The following FAT4 variants were observed in gnomAD, a reference collection of about 807,000 sequenced individuals.
FAT4 encodes FAT atypical cadherin 4.
FAT4 carries 84 observed loss-of-function variants against 303.9 expected under a neutral mutation model. The observed-to-expected ratio is 0.28, with a 90% CI of 0.23 to 0.33. The LOEUF is 0.33. FAT4 is among the 10% of genes least tolerant of loss of function. The pLI is 1.00. For synonymous variants in FAT4, 2,307 were observed against 2,298.8 expected (o/e 1.00, Z -0.10); for missense variants, 6,005 against 6,146.8 (o/e 0.98, Z 0.77).
intron 2 of FAT4, among the ~76,000 whole-genome samples, chr4:125,325,672 G>A (rs1489452863): frequency 6.6e-6 from 1 of 152,168 alleles, no homozygotes; most frequent in African/African-American, 2.4e-5. Context: ...ATATTGAAAA[G>A]ACATCAAAGT....
rs1351806353 is a variant in FAT4 at position 125,408,730 on chromosome 4, T to C, written c.5856T>C (p.Ser1952=). 1 of 1,609,648 alleles carries C rather than the reference T, an allele frequency of 6.2e-7. No individual in the cohort carries two copies. The highest frequency in any genetic ancestry group is 1.3e-5 in the African/African-American group (1 of 74,814). Reference sequence around the variant, plus strand: ...TCAGCTTGAATTCATACAGCACATCTTTAATGGAGAATCTACCTGTGGGAT... The same window carrying C: ...TCAGCTTGAATTCATACAGCACATCCTTAATGGAGAATCTACCTGTGGGAT... The part of the protein sequence containing the change: ...PIFSLNSYST[S]LMENLPVGST... Residue 1952 remains serine, a synonymous_variant, in exon 5 of 18, where the codon TCT becomes TCC. Coordinates refer to ENST00000394329, the MANE Select transcript of FAT4 (RefSeq NM_001291303.3).
chr4:125,460,197 T>A (rs1045695681), intron 10 of FAT4, among the ~76,000 whole-genome samples: 1 of 152,074 alleles, frequency 6.6e-6, no homozygotes, highest in African/African-American at 2.4e-5. Flanking sequence ...ATAATTTACA[T>A]ACTCTACCAC....
At chr4:125,431,248 A>G (rs1029129389) in intron 7 of FAT4, among the ~76,000 whole-genome samples, 2 of 152,236 alleles carry the variant, frequency 1.3e-5, no homozygotes, top group African/African-American at 4.8e-5. Flanking sequence ...CAATGTGTAT[A>G]TCAGAAATAT....
Position 125,448,848 on chromosome 4 carries a change from C to A in FAT4, c.7838C>A (p.Thr2613Asn). 1 of 1,608,378 alleles carries A rather than the reference C, an allele frequency of 6.2e-7. No homozygotes were observed. The highest frequency in any genetic ancestry group is 8.5e-7 in the Non-Finnish European group (1 of 1,179,378). ...YYIASGNLGN[T>N]FQIDQLTGQV... is the part of the protein sequence containing the mutation. The stretch of plus-strand genomic sequence containing the variant: ...ATCGCAAGTGGGAATCTTGGCAATA[C>A]TTTCCAGATTGATCAGTTAACAGGG... Residue 2613 changes from threonine to asparagine, a missense_variant, in exon 10 of 18, where the codon ACT becomes AAT. Thr to Asn is a moderately conservative substitution (Grantham distance 65, BLOSUM62 0). Coordinates refer to ENST00000394329, the MANE Select transcript of FAT4 (RefSeq NM_001291303.3).
At chr4:125,356,545 TTTTG>T (rs1732431322) in intron 2 of FAT4, among the ~76,000 whole-genome samples, 2 of 106,894 alleles carry the variant, frequency 1.9e-5, no homozygotes, top group African/African-American at 3.3e-5. Flanking sequence ...GTGTTTTGTT[TTTTG>T]TTTTTTTTTT....
chr4:125,315,805 G>T lies in FAT4; in HGVS notation c.-185G>T, dbSNP rs1225779730. ...CTGGGCCTCAGCGGCCACTGCCGGC[G>T]CCCTGTTGGAGGGGCGTTGCAGCCT... On this transcript the variant is annotated 5_prime_UTR_variant, in exon 1 of 18. Coordinates refer to ENST00000394329, the MANE Select transcript of FAT4 (RefSeq NM_001291303.3). Among the ~76,000 whole-genome samples the T allele has an allele frequency of 6.6e-6, 1 of 152,210 alleles. No individual in the cohort carries two copies. Among genetic ancestry groups the T allele is most frequent in the Non-Finnish European group, 1.5e-5 (1 of 68,046 alleles).
chr4:125,329,049 T>C (rs768020389), intron 2 of FAT4, among the ~76,000 whole-genome samples: 1 of 152,224 alleles, frequency 6.6e-6, no homozygotes, highest in Non-Finnish European at 1.5e-5. Context: ...TCAATCTTTG[T>C]TTAGGTCCCT....
chr4:125,465,671 A>G lies in FAT4; in HGVS notation c.11905+2004A>G, dbSNP rs17009732. On this transcript the variant is annotated intron_variant, in intron 11 of 17. Coordinates refer to ENST00000394329, the MANE Select transcript of FAT4 (RefSeq NM_001291303.3). ...GAGGGGCCAAATGTACCTTCTTGTC[A>G]CTCTGTAGACATCGCCAGGGGAAGA... Among the ~76,000 whole-genome samples the G allele has an allele frequency of 4.4e-3, 670 of 152,228 alleles. 4 individuals carry two copies. The highest frequency in any genetic ancestry group is 0.026 in the East Asian group (134 of 5,168).
chr4:125,449,295 T>G lies in FAT4; in HGVS notation c.8285T>G (p.Met2762Arg), dbSNP rs747415247. ...SPSQSTSVKV[M>R]INILDENDNA... ...TCTCAGAGTACTTCAGTAAAAGTCA[T>G]GATTAACATTTTAGATGAAAATGAT... Residue 2762 changes from methionine (M) to arginine (R), a missense_variant, in exon 10 of 18, where the codon ATG becomes AGG. By Grantham distance (91) the Met-to-Arg change is moderately conservative. Coordinates refer to ENST00000394329, the MANE Select transcript of FAT4 (RefSeq NM_001291303.3). 9.9e-6 allele frequency: 16 copies of G among 1,613,862 alleles called. 1 individual carries two copies. The highest frequency in any genetic ancestry group is 1.4e-5 in the Non-Finnish European group (16 of 1,179,932).
intron 7 of FAT4, among the ~76,000 whole-genome samples, chr4:125,427,922 T>C (rs951828859): frequency 6.6e-6 from 1 of 152,218 alleles, no homozygotes; most frequent in African/African-American, 2.4e-5. Flanking sequence ...ACTTCAATCG[T>C]TTAAACTCAT....
At position 125,319,381 on chromosome 4, in the gene FAT4, T is replaced by C. The variant is rs531356206; in HGVS notation, c.2970T>C (p.Asn990=). 9 of 1,613,050 alleles carry C rather than the reference T, an allele frequency of 5.6e-6. No homozygotes were observed. The African/African-American group carries it at 1.1e-4, about 19-fold the overall frequency. Residue 990 remains asparagine, a synonymous_variant, in exon 2 of 18, where the codon AAT becomes AAC. Coordinates refer to ENST00000394329, the MANE Select transcript of FAT4 (RefSeq NM_001291303.3). The stretch of plus-strand genomic sequence containing the variant: ...TAACAGTTTATGTCCATGATGTAAA[T>C]GACAATTCACCAGTGTTTGACCAAC... ...VILTVYVHDV[N]DNSPVFDQLS... is the part of the protein sequence containing the mutation.
intron 11 of FAT4, among the ~76,000 whole-genome samples, chr4:125,464,545 G>A (rs1422390841): frequency 6.7e-6 from 1 of 150,030 alleles, no homozygotes; most frequent in Non-Finnish European, 1.5e-5. Context: ...TATACTTTAA[G>A]TTCTAGGGTA....
chr4:125,480,621 C>A (rs1436039159), intron 15 of FAT4, among the ~76,000 whole-genome samples: 1 of 151,842 alleles, frequency 6.6e-6, no homozygotes, highest in Non-Finnish European at 1.5e-5. Flanking sequence ...AATAGAAATG[C>A]ATAATAAAAT....
intron 5 of FAT4, among the ~76,000 whole-genome samples, chr4:125,409,441 A>G (rs1392326501): frequency 6.6e-6 from 1 of 152,098 alleles, no homozygotes; most frequent in East Asian, 1.9e-4. Context: ...TTTTTAGTAG[A>G]GACGGGGTTT....
chr4:125,398,951 G>A (rs751029735), intron 3 of FAT4, 36 bp downstream of exon 3: 87 of 1,605,880 alleles, frequency 5.4e-5, no homozygotes, highest in Middle Eastern at 3.3e-4. Context: ...GTGAAACTTC[G>A]TAGTGCAGTG....
Position 125,317,464 on chromosome 4 carries a change from G to A in FAT4, c.1053G>A (p.Pro351=), listed in dbSNP as rs770875689. 7 of 1,613,542 alleles carry A rather than the reference G, an allele frequency of 4.3e-6. No homozygotes were observed. In the Admixed American group the frequency reaches 5.0e-5, roughly 12 times the overall value. ...TGCTGGACGTGAATGACAATGACCCGGTAGTGAAGTTCCGCTACTTCCCGG... is the reference window on the plus strand; with the variant it reads ...TGCTGGACGTGAATGACAATGACCCAGTAGTGAAGTTCCGCTACTTCCCGG... ...IQLLDVNDND[P]VVKFRYFPAT... The change falls in exon 2 of 18, where the codon CCG becomes CCA. Residue 351 remains proline (P), a synonymous_variant. Transcript: ENST00000394329. This position sits in a 1 kb window ranked among gnomAD's most constrained non-coding sequence, Gnocchi z 7.0.
chr4:125,406,430 A>G (rs1047441978), intron 3 of FAT4, among the ~76,000 whole-genome samples: 5 of 152,172 alleles, frequency 3.3e-5, no homozygotes, highest in African/African-American at 1.2e-4. Context: ...CAGGAAGCAC[A>G]ATACCTCTAA....
In FAT4 at chr4:125,352,708, T is replaced by G. The variant is rs1252620617; in HGVS notation, c.5175+31122T>G. On this transcript the variant is annotated intron_variant, in intron 2 of 17. Transcript: ENST00000394329. ...ATTGCTTCCCCATATGTGCAATACT[T>G]TCCTCTCTGAGAGCTGCCAGTCTTC... is the stretch of plus-strand genomic sequence containing the variant. 5.3e-5 allele frequency among the ~76,000 whole-genome samples: 8 copies of G among 151,762 alleles called. No individual in the cohort carries two copies. In the Admixed American group the frequency reaches 5.3e-4, roughly 10 times the overall value.
At chr4:125,368,526 A>ATAT (rs1732975477) in intron 2 of FAT4, among the ~76,000 whole-genome samples, 1 of 146,032 alleles carries the variant, frequency 6.8e-6, no homozygotes, top group South Asian at 2.1e-4. Flanking sequence ...ATATATGTAT[A>ATAT]TATATATATA....
Sources: allele counts gnomAD v4.1 joint callset (sites outside exome capture counted in the v4.1 genomes callset), GRCh38; gene constraint gnomAD v4.1.1; non-coding constraint Gnocchi (gnomAD v3.1); transcripts MANE v1.5; gene names NCBI Gene and HGNC (gene_info 2026-07-23, HGNC 2026-07-21).